Variants in SLC35D1 observed in about 807,000 individuals in gnomAD.
SLC35D1 encodes the protein nucleotide sugar transporter SLC35D1.
SLC35D1 carries 31 observed loss-of-function variants against 46.7 expected under a neutral mutation model. The ratio of observed to expected loss-of-function variants is 0.66; its 90% confidence interval spans 0.50 to 0.90. The LOEUF is 0.90. Ranked by LOEUF, SLC35D1 falls within the 40% of genes least tolerant of loss-of-function variation. The probability of loss-of-function intolerance (pLI) is 0.00; values close to 1 mark genes in which losing one functional copy is unlikely to be tolerated. For missense variants in SLC35D1, 397 were observed against 426.2 expected (o/e 0.93, Z 0.60); for synonymous variants, 195 against 164.6 (o/e 1.18, Z -1.41).
At chr1:67,038,918 T>A (rs1172275303) in intron 8 of SLC35D1, among the ~76,000 whole-genome samples, 1 of 152,070 alleles carries the variant, frequency 6.6e-6, no homozygotes, top group African/African-American at 2.4e-5. Context: ...ATGTGCTCAC[T>A]GGGACGAGTT....
the SLC35D1 span, among the ~76,000 whole-genome samples, chr1:66,984,252 T>A: frequency 6.6e-6 from 1 of 152,242 alleles, no homozygotes; most frequent in Non-Finnish European, 1.5e-5. Context: ...TTGTTTGCTG[T>A]CACATATACC....
chr1:66,996,510 C>T (rs940465643), downstream of SLC35D1, among the ~76,000 whole-genome samples: 2 of 152,164 alleles, frequency 1.3e-5, no homozygotes, highest in Admixed American at 6.5e-5. Context: ...CTGACCACAC[C>T]GGGCAAGTGT....
the SLC35D1 span, among the ~76,000 whole-genome samples, chr1:66,975,240 C>T: frequency 3.9e-5 from 6 of 152,130 alleles, no homozygotes; most frequent in African/African-American, 1.4e-4. Context: ...TTTAAATGGT[C>T]AGTATTGCCG....
In SLC35D1 at chr1:67,054,017, T is replaced by C. The variant is rs745414208; in HGVS notation, c.-4A>G. The C allele has an allele frequency of 1.2e-6, 2 of 1,608,048 alleles. No homozygotes were observed. The highest frequency in any genetic ancestry group is 1.7e-5 in the Admixed American group (1 of 59,614). On this transcript the variant is annotated 5_prime_UTR_variant, in exon 1 of 12. Coordinates refer to ENST00000235345, the MANE Select transcript of SLC35D1 (RefSeq NM_015139.3). Reference sequence around the variant, plus strand: ...GACGTCTATGAACTTCCGCCATGGCTGCCGCAGCAGCGGTGGCCTGGCGGC... The same window carrying C: ...GACGTCTATGAACTTCCGCCATGGCCGCCGCAGCAGCGGTGGCCTGGCGGC...
In SLC35D1 at chr1:67,050,424, T is replaced by C. The variant is rs778450735; in HGVS notation, c.464+9A>G. The C allele has an allele frequency of 2.5e-6, 4 of 1,602,754 alleles. No homozygotes were observed. Among genetic ancestry groups the C allele is most frequent in the Middle Eastern group, 1.7e-4 (1 of 6,024 alleles). ...TTTAAAGAACAGATATATTAGAAAC[T>C]TAGCTCACTTGAGTAAAACTCCTTC... On this transcript the variant is annotated intron_variant, in intron 5 of 11. Transcript: ENST00000235345.
intron 4 of SLC35D1, 87 bp from the exon 5 acceptor site, chr1:67,050,591 C>A (rs1406918717): frequency 9.8e-7 from 1 of 1,023,240 alleles, no homozygotes; most frequent in Non-Finnish European, 1.5e-6. Flanking sequence ...TAAAATAATG[C>A]TATTCTTCCA....
rs1298105918 is a variant in SLC35D1, at chr1:67,002,508, A to T, written c.*1832T>A. 6.6e-6 allele frequency: 1 copy of T among 152,352 alleles called. No individual in the cohort carries two copies. The highest frequency in any genetic ancestry group is 1.9e-4 in the East Asian group (1 of 5,336). 9.4% of individuals were successfully genotyped at this position (152,352 alleles called of 1,614,324 possible). A position where few individuals can be genotyped will look rare whatever the true frequency, so the allele number is the denominator to read the frequency against. ...TTCTCATTGGTAAAATAGGGAGAGT[A>T]AGACCCATATGACACAAGATACTAT... On this transcript the variant is annotated 3_prime_UTR_variant, in exon 12 of 12. Coordinates refer to ENST00000235345, the MANE Select transcript of SLC35D1 (RefSeq NM_015139.3).
intron 8 of SLC35D1, among the ~76,000 whole-genome samples, chr1:67,040,052 T>C (rs1047778072): frequency 9.2e-5 from 14 of 151,540 alleles, no homozygotes; most frequent in Non-Finnish European, 1.5e-5. Flanking sequence ...TGGAGTGCAG[T>C]GGCACAATCA....
At chr1:67,006,059 A>G (rs1483778939) in intron 11 of SLC35D1, among the ~76,000 whole-genome samples, 2 of 151,838 alleles carry the variant, frequency 1.3e-5, no homozygotes, top group Non-Finnish European at 2.9e-5. Flanking sequence ...TATATTGCCC[A>G]GGCAGGTCGT....
the SLC35D1 span, among the ~76,000 whole-genome samples, chr1:66,990,497 G>T: frequency 6.6e-6 from 1 of 152,006 alleles, no homozygotes; most frequent in African/African-American, 2.4e-5. Context: ...AAACTCCTGG[G>T]TTCAAGCAAT....
At chr1:66,976,793 A>G in the SLC35D1 span, 1 of 1,289,552 alleles carries the variant, frequency 7.8e-7, no homozygotes, top group East Asian at 2.6e-5. Flanking sequence ...TCTTGAGTTA[A>G]TTATTATTTT....
rs368314123 is a variant in SLC35D1 at position 67,053,791 on chromosome 1, C to T, written c.203+20G>A. Reference sequence around the variant, plus strand: ...CCCGCTCCTCCTCCGCGGCCTGGGCCGCCGCCGCCTCGGCCCTACCTGTAA... The same window carrying T: ...CCCGCTCCTCCTCCGCGGCCTGGGCTGCCGCCGCCTCGGCCCTACCTGTAA... On this transcript the variant is annotated intron_variant, in intron 1 of 11. Transcript: ENST00000235345. 6.4e-5 allele frequency: 99 copies of T among 1,555,416 alleles called. No homozygotes were observed. The highest frequency in any genetic ancestry group is 7.8e-5 in the Non-Finnish European group (90 of 1,153,194).
At chr1:67,036,258 G>A (rs1214780550) in intron 8 of SLC35D1, among the ~76,000 whole-genome samples, 1 of 152,076 alleles carries the variant, frequency 6.6e-6, no homozygotes, top group Admixed American at 6.5e-5. Flanking sequence ...TGAAAGATCT[G>A]TCCAATGCTG....
Position 67,054,071 on chromosome 1 carries a change from G to A in SLC35D1, c.-58C>T, listed in dbSNP as rs1010177447. On this transcript the variant is annotated 5_prime_UTR_variant, in exon 1 of 12. Transcript: ENST00000235345. ...GCCTAGCGGCTCGGGGGCCTGCAGC[G>A]GCAGCTCCCAGGGGACTCCAGGAGT... 10 of 1,571,118 alleles carry A rather than the reference G, an allele frequency of 6.4e-6. No homozygotes were observed. In the Admixed American group the frequency reaches 8.5e-5, roughly 13 times the overall value.
intron 6 of SLC35D1, among the ~76,000 whole-genome samples, chr1:67,047,649 C>A (rs1645265988): frequency 6.6e-6 from 1 of 152,102 alleles, no homozygotes; most frequent in African/African-American, 2.4e-5. Flanking sequence ...AGCCAGATGA[C>A]AACAAGCACC....
chr1:67,041,340 TG>T lies in SLC35D1; in HGVS notation c.729+895del, dbSNP rs1668237662. Among the ~76,000 whole-genome samples, 4 of 152,290 alleles carry T rather than the reference TG, an allele frequency of 2.6e-5. No individual in the cohort carries two copies. In the South Asian group the frequency reaches 6.2e-4, roughly 24 times the overall value. On this transcript the variant is annotated intron_variant, in intron 8 of 11. Coordinates refer to ENST00000235345, the MANE Select transcript of SLC35D1 (RefSeq NM_015139.3). ...CAGTTCTTTAAAAGAAGAGGTATGA[TG>T]GGGGGTGGGAAACAGCTTCATAAGC...
At chr1:66,985,222 A>C in the SLC35D1 span, 4 of 968,626 alleles carry the variant, frequency 4.1e-6, no homozygotes, top group Non-Finnish European at 4.9e-6. Flanking sequence ...ATGTATCTGT[A>C]CCTTCTCATT....
chr1:66,997,791 AAATATT>A (rs1667258824), downstream of SLC35D1, among the ~76,000 whole-genome samples: 1 of 147,454 alleles, frequency 6.8e-6, no homozygotes, highest in African/African-American at 2.5e-5. Context: ...TTAATAATAT[AAATATT>A]GTTATTTATA....
chr1:66,979,251 ATC>A, the SLC35D1 span, among the ~76,000 whole-genome samples: 1 of 152,218 alleles, frequency 6.6e-6, no homozygotes, highest in Non-Finnish European at 1.5e-5. Flanking sequence ...TTCCATTACC[ATC>A]TCTTTCTGTT....
Sources: allele counts gnomAD v4.1 joint callset (sites outside exome capture counted in the v4.1 genomes callset), GRCh38; gene constraint gnomAD v4.1.1; transcripts MANE v1.5; gene names NCBI Gene and HGNC (gene_info 2026-07-23, HGNC 2026-07-21).